The following G6PD variants were observed in gnomAD, a reference collection of about 807,000 sequenced individuals.
The protein encoded by G6PD is glucose-6-phosphate 1-dehydrogenase.
G6PD carries 2 observed loss-of-function variants against 38.2 expected under a neutral mutation model. That is an observed-to-expected ratio of 0.05 (90% CI 0.02 to 0.16). The LOEUF (loss-of-function observed/expected upper bound fraction) is 0.16, where lower values mean the gene tolerates loss of function less well. G6PD is among the 10% of genes least tolerant of loss of function. The probability of loss-of-function intolerance (pLI) is 1.00; values close to 1 mark genes in which losing one functional copy is unlikely to be tolerated. For synonymous variants in G6PD, 188 were observed against 196.0 expected (o/e 0.96, Z 0.34); for missense variants, 310 against 471.6 (o/e 0.66, Z 3.17).
upstream of G6PD, chrX:154,546,876 CGGCGGG>C (rs782347347): frequency 9.3e-6 from 10 of 1,071,530 alleles, no homozygotes; most frequent in South Asian, 1.6e-4. Context: ...CCCATTTAAT[CGGCGGG>C]GGCGGGGGCG....
intron 5 of G6PD, 125 bp downstream of exon 5, chrX:154,535,043 C>T (rs782661378): frequency 1.4e-6 from 1 of 697,719 alleles, no homozygotes; most frequent in South Asian, 2.2e-5. Flanking sequence ...TGTGGTCCCG[C>T]TGGGGATGGC....
At chrX:154,536,759 G>A (rs974434343) in intron 2 of G6PD, among the ~76,000 whole-genome samples, 1 of 111,567 alleles carries the variant, frequency 9.0e-6, no homozygotes, top group African/African-American at 3.3e-5. Flanking sequence ...GAATCCGGGA[G>A]GCAGAGGTTG....
chrX:154,532,068 C>T lies in G6PD; in HGVS notation c.1480G>A (p.Glu494Lys), dbSNP rs1377337822. 26 of 1,208,083 alleles carry T rather than the reference C, an allele frequency of 2.2e-5. No homozygotes were observed. The highest frequency in any genetic ancestry group is 4.4e-5 in the Admixed American group (2 of 45,714). ...TGGAAACCCACTCTCTTCATCAGCT[C>T]GTCTGCCTCCGTGGGGCCTCGGCTG... ...YGSRGPTEAD[E>K]LMKRVGFQYE... Residue 494 changes from glutamate to lysine, a missense_variant, in exon 13 of 13, where the codon GAG (glutamate) becomes AAG (lysine). Transcript: ENST00000393562.
chrX:154,531,904 G>A lies in G6PD; in HGVS notation c.*96C>T, dbSNP rs2070339754. The A allele has an allele frequency of 8.8e-7, 1 of 1,142,688 alleles. No individual in the cohort carries two copies. The highest frequency in any genetic ancestry group is 1.8e-5 in the African/African-American group (1 of 55,156). The allele number at this position is 1,142,688 out of a possible 1,213,427, so 94.2% of individuals were successfully genotyped here. ...GGCCAGAGCCCGGGGCCAGGAATGT[G>A]CAGCTGAGGTCAATGGTCCCGGAGT... On this transcript the variant is annotated 3_prime_UTR_variant, in exon 13 of 13. Transcript: ENST00000393562.
chrX:154,542,354 G>C (rs1420498266), intron 2 of G6PD: 1 of 1,205,429 alleles, frequency 8.3e-7, no homozygotes, highest in Admixed American at 2.2e-5. Context: ...CTCACTCCCT[G>C]TGAAGCTCTC....
At position 154,532,240 on chromosome X, in the gene G6PD, G is replaced by A. The variant is rs369482861; in HGVS notation, c.1405C>T (p.Leu469=). Residue 469 remains leucine, a synonymous_variant, in exon 12 of 13, where the codon CTG becomes TTG. Transcript: ENST00000393562. ...REAWRIFTPL[L]HQIELEKPKP... is the part of the protein sequence containing the mutation. ...GGCTTCTCCAGCTCAATCTGGTGCA[G>A]CAGTGGGGTGAAAATACGCCAGGCC... 4.7e-5 allele frequency: 57 copies of A among 1,209,890 alleles called. No homozygotes were observed. Among genetic ancestry groups the A allele is most frequent in the Non-Finnish European group, 3.4e-5 (30 of 895,079 alleles).
chrX:154,542,282 GT>G (rs1569556342), intron 2 of G6PD: 2 of 1,152,616 alleles, frequency 1.7e-6, no homozygotes, highest in Admixed American at 5.2e-5. Flanking sequence ...TGTGATCCAG[GT>G]GGGGAAACTA....
chrX:154,535,396 C>A lies in G6PD; in HGVS notation c.268-11G>T, dbSNP rs781983059. Reference sequence around the variant, plus strand: ...CTCCTCTGGGGTGGCCTGGGAGACACGGACAGACAGACACACAGACAGATG... The same window carrying A: ...CTCCTCTGGGGTGGCCTGGGAGACAAGGACAGACAGACACACAGACAGATG... On this transcript the variant is annotated splice_polypyrimidine_tract_variant and intron_variant, in intron 4 of 12. Coordinates refer to ENST00000393562, the MANE Select transcript of G6PD (RefSeq NM_001360016.2). 1 of 1,190,365 alleles carries A rather than the reference C, an allele frequency of 8.4e-7. No homozygotes were observed. Among genetic ancestry groups the A allele is most frequent in the Non-Finnish European group, 1.1e-6 (1 of 879,043 alleles).
In G6PD at chrX:154,532,925, T is replaced by C. The variant is rs2070357921; in HGVS notation, c.1051+17A>G. 8.3e-7 allele frequency: 1 copy of C among 1,210,098 alleles called. No individual in the cohort carries two copies. Among genetic ancestry groups the C allele is most frequent in the Non-Finnish European group, 1.1e-6 (1 of 894,947 alleles). On this transcript the variant is annotated intron_variant, in intron 9 of 12. Transcript: ENST00000393562. ...ATGCCCAGTTCTGCCTTGCTGGGCC[T>C]CGAAGGCATCACCTACCATCCCACC... is the stretch of plus-strand genomic sequence containing the variant.
chrX:154,531,998 G>C lies in G6PD; in HGVS notation c.*2C>G. The C allele has an allele frequency of 1.7e-6, 2 of 1,208,432 alleles. No homozygotes were observed. The highest frequency in any genetic ancestry group is 3.0e-5 in the East Asian group (1 of 33,779). On this transcript the variant is annotated 3_prime_UTR_variant, in exon 13 of 13. Transcript: ENST00000393562. ...GCGGGGGTGGAGGTGGGTGCCCAGG[G>C]CTCAGAGCTTGTGGGGGTTCACCCA...
At chrX:154,538,468 C>G (rs148023865) in intron 2 of G6PD, among the ~76,000 whole-genome samples, 3 of 112,171 alleles carry the variant, frequency 2.7e-5, no homozygotes, top group Non-Finnish European at 5.6e-5. Context: ...AAAAAAACCT[C>G]TAAGAACTCT....
At chrX:154,533,484 C>A (rs1603411438) in intron 8 of G6PD, 92 bp downstream of exon 8, 16 of 1,099,724 alleles carry the variant, frequency 1.5e-5, no homozygotes, top group Non-Finnish European at 1.6e-5. Context: ...GGGTTGAGGA[C>A]ACCTGCTCTG....
At position 154,535,818 on chromosome X, in the gene G6PD, G is replaced by A. The variant is rs782000110; in HGVS notation, c.267+119C>T. On this transcript the variant is annotated intron_variant, in intron 4 of 12. Transcript: ENST00000393562. Reference sequence around the variant, plus strand: ...AAGGAAGTACGAGAGCAGGCGGGGCGGGGCAGGAGAGGAGGAGAGCATCCC... The same window carrying A: ...AAGGAAGTACGAGAGCAGGCGGGGCAGGGCAGGAGAGGAGGAGAGCATCCC... 45 of 584,877 alleles carry A rather than the reference G, an allele frequency of 7.7e-5. No homozygotes were observed. In the African/African-American group the frequency reaches 9.1e-4, roughly 12 times the overall value. The allele number at this position is 584,877 out of a possible 1,213,427, so 48.2% of individuals were successfully genotyped here.
Position 154,536,033 on chromosome X carries a change from C to T in G6PD, c.171G>A (p.Arg57=), listed in dbSNP as rs1557230785. Residue 57 remains arginine (R), a synonymous_variant, in exon 4 of 13, where the codon CGG becomes CGA. Transcript: ENST00000393562. The part of the protein sequence containing the change: ...KIYPTIWWLF[R]DGLLPENTFI... ...AGGTGTTTTCGGGCAGAAGGCCATC[C>T]CGGAACAGCCACCTGAGGGCAGGGC... The T allele has an allele frequency of 8.3e-7, 1 of 1,209,923 alleles. No individual in the cohort carries two copies. Among genetic ancestry groups the T allele is most frequent in the African/African-American group, 1.7e-5 (1 of 57,304 alleles).
intron 7 of G6PD, 158 bp from the exon 8 acceptor site, chrX:154,533,827 T>A: frequency 8.5e-7 from 1 of 1,182,977 alleles, no homozygotes; most frequent in East Asian, 3.1e-5. Context: ...AGGAAGGACA[T>A]GGTGATGCTA....
At chrX:154,540,006 C>T (rs1319420580) in intron 2 of G6PD, among the ~76,000 whole-genome samples, 2 of 110,225 alleles carry the variant, frequency 1.8e-5, no homozygotes. Flanking sequence ...CAGGCGTGAG[C>T]CACCGTGGCC....
chrX:154,539,450 C>T (rs1222877746), intron 2 of G6PD, among the ~76,000 whole-genome samples: 2 of 111,325 alleles, frequency 1.8e-5, no homozygotes, highest in Non-Finnish European at 3.8e-5. Flanking sequence ...ATGACGATGG[C>T]CTTTATTGTG....
Position 154,535,376 on chromosome X carries a change from C to T in G6PD, c.277G>A (p.Glu93Lys), listed in dbSNP as rs782151545. 1 of 1,208,113 alleles carries T rather than the reference C, an allele frequency of 8.3e-7. No individual in the cohort carries two copies. Among genetic ancestry groups the T allele is most frequent in the Admixed American group, 2.2e-5 (1 of 45,781 alleles). ...AAGTCCTCCAGCTTGAGCTTCTCCT[C>T]TGGGGTGGCCTGGGAGACACGGACA... ...QSEPFFKATP[E>K]EKLKLEDFFA... Residue 93 changes from glutamate to lysine, a missense_variant, in exon 5 of 13, where the codon GAG (glutamate) becomes AAG (lysine). This residue lies in a region of G6PD where 96 missense variants were observed against 93.3 expected (regional missense o/e 1.03). Transcript: ENST00000393562.
upstream of G6PD, chrX:154,546,934 G>A: frequency 1.9e-6 from 1 of 516,920 alleles, no homozygotes; most frequent in Non-Finnish European, 2.7e-6. Flanking sequence ...GAGGCGTGCG[G>A]GGCGGGGCCT....
Sources: gnomAD v4.1 joint callset for allele counts (sites outside exome capture counted in the v4.1 genomes callset) on GRCh38, gnomAD v4.1.1 for gene constraint, gnomAD v4.1.1 regional missense constraint, MANE v1.5 for transcripts, NCBI Gene and HGNC (gene_info 2026-07-23, HGNC 2026-07-21) for gene names.